Variants in FCHO2 observed in about 807,000 individuals in gnomAD.
FCHO2 encodes FCH and mu domain containing endocytic adaptor 2.
A neutral mutation model predicts 114.1 loss-of-function variants in FCHO2; 43 were observed. The ratio of observed to expected loss-of-function variants is 0.38; its 90% CI spans 0.30 to 0.49. FCHO2 has a LOEUF of 0.49. FCHO2 is among the 20% of genes least tolerant of loss of function. The pLI, the probability that FCHO2 is intolerant of heterozygous loss-of-function variation, is 0.97. For missense variants in FCHO2, 807 were observed against 950.4 expected (o/e 0.85, Z 1.98); for synonymous variants, 293 against 315.2 (o/e 0.93, Z 0.75).
At chr5:73,012,468 A>G (rs1755073690) in intron 6 of FCHO2, among the ~76,000 whole-genome samples, 1 of 151,976 alleles carries the variant, frequency 6.6e-6, no homozygotes, top group Admixed American at 6.6e-5. Flanking sequence ...AAAATACAAA[A>G]ATTAGCTGGG....
intron 22 of FCHO2, among the ~76,000 whole-genome samples, chr5:73,079,242 G>T (rs1428825782): frequency 1.3e-5 from 2 of 152,108 alleles, no homozygotes; most frequent in Non-Finnish European, 2.9e-5. Flanking sequence ...TGGGACTAAA[G>T]GCACAAACCA....
intron 2 of FCHO2, among the ~76,000 whole-genome samples, chr5:72,988,006 G>A (rs1016528608): frequency 2.0e-5 from 3 of 152,144 alleles, no homozygotes. Flanking sequence ...TCTGGATTTA[G>A]ACATTAGAAG....
intron 19 of FCHO2, among the ~76,000 whole-genome samples, chr5:73,072,258 ATGT>A (rs1011293343): frequency 2.0e-4 from 30 of 152,048 alleles, no homozygotes; most frequent in Admixed American, 4.6e-4. Context: ...ACAATAACAA[ATGT>A]TGGTGAGGAT....
At chr5:73,041,838 A>G (rs1052012519) in intron 11 of FCHO2, among the ~76,000 whole-genome samples, 4 of 152,082 alleles carry the variant, frequency 2.6e-5, no homozygotes, top group Non-Finnish European at 5.9e-5. Context: ...GAAGACATCA[A>G]ATGGAGCTCC....
chr5:73,043,682 A>G (rs1183007448), intron 11 of FCHO2, among the ~76,000 whole-genome samples: 9 of 152,206 alleles, frequency 5.9e-5, no homozygotes, highest in South Asian at 2.1e-4. Flanking sequence ...GCTGATATGG[A>G]AAGAACTTAA....
intron 5 of FCHO2, chr5:72,997,144 T>C: frequency 8.9e-7 from 1 of 1,123,092 alleles, no homozygotes. Context: ...CCCACCATGA[T>C]GGGGTCCTGA....
At chr5:73,051,787 G>A (rs1315402962) in intron 12 of FCHO2, among the ~76,000 whole-genome samples, 1 of 152,012 alleles carries the variant, frequency 6.6e-6, no homozygotes, top group Non-Finnish European at 1.5e-5. Context: ...CCAGGCTGGT[G>A]AAGAACTCCT....
At chr5:73,080,631 T>G (rs191488780) in intron 22 of FCHO2, among the ~76,000 whole-genome samples, 8 of 151,990 alleles carry the variant, frequency 5.3e-5, no homozygotes, top group Admixed American at 4.6e-4. Flanking sequence ...ATTTCTCTAT[T>G]TTTTTAGTTT....
At chr5:73,022,869 A>G (rs746318388) in intron 8 of FCHO2, among the ~76,000 whole-genome samples, 19 of 152,086 alleles carry the variant, frequency 1.2e-4, no homozygotes, top group Admixed American at 4.6e-4. Context: ...TTAAGTTCCT[A>G]CTGTAGACTT....
In FCHO2 at chr5:73,050,302, T is replaced by C. The variant is rs867155231; in HGVS notation, c.940-1047T>C. ...CTCTGTTTAGCTTTCTGCTATTTATTTATTTATTTATTTATTTATTTATTT... is the reference window on the plus strand; with the variant it reads ...CTCTGTTTAGCTTTCTGCTATTTATCTATTTATTTATTTATTTATTTATTT... On this transcript the variant is annotated intron_variant, in intron 11 of 25. Transcript: ENST00000430046. Among the ~76,000 whole-genome samples the C allele has an allele frequency of 6.9e-3, 954 of 138,002 alleles. 7 individuals are homozygous for C. The highest frequency in any genetic ancestry group is 0.025 in the African/African-American group (922 of 37,552). 90.5% of individuals were successfully genotyped at this position (138,002 alleles called of 152,430 possible).
At chr5:73,006,677 C>G in intron 6 of FCHO2, 128 bp downstream of exon 6, 2 of 606,608 alleles carry the variant, frequency 3.3e-6, no homozygotes, top group Non-Finnish European at 5.3e-6. Flanking sequence ...GTTAATGATG[C>G]TGTTTTAAAA....
At chr5:73,012,162 C>T (rs943911285) in intron 6 of FCHO2, among the ~76,000 whole-genome samples, 1 of 152,178 alleles carries the variant, frequency 6.6e-6, no homozygotes, top group African/African-American at 2.4e-5. Flanking sequence ...TTTGTATCAG[C>T]ATCACCACAA....
At chr5:73,081,330 G>A (rs918560652) in intron 22 of FCHO2, among the ~76,000 whole-genome samples, 1 of 152,102 alleles carries the variant, frequency 6.6e-6, no homozygotes, top group Non-Finnish European at 1.5e-5. Context: ...ATTTGAAGTT[G>A]GAAGCATTCT....
intron 2 of FCHO2, among the ~76,000 whole-genome samples, chr5:72,979,860 G>A (rs902139421): frequency 6.6e-6 from 1 of 151,858 alleles, no homozygotes; most frequent in Non-Finnish European, 1.5e-5. Context: ...TCTGGCTAGC[G>A]GTCTATCTAT....
intron 11 of FCHO2, among the ~76,000 whole-genome samples, chr5:73,043,817 G>A (rs1756925775): frequency 6.6e-6 from 1 of 152,140 alleles, no homozygotes; most frequent in Non-Finnish European, 1.5e-5. Context: ...TACCTTTGGG[G>A]CCAAGAATTA....
chr5:72,966,015 T>A (rs1168659468), intron 1 of FCHO2, among the ~76,000 whole-genome samples: 1 of 152,220 alleles, frequency 6.6e-6, no homozygotes, highest in Non-Finnish European at 1.5e-5. Context: ...ACCAATTTTT[T>A]AATCAGTAAT....
chr5:72,957,911 G>A (rs889002451), intron 1 of FCHO2, among the ~76,000 whole-genome samples: 5 of 152,016 alleles, frequency 3.3e-5, no homozygotes, highest in Non-Finnish European at 5.9e-5. Flanking sequence ...TTCGATTTGC[G>A]TTTCTTTGAT....
At chr5:72,997,978 G>A (rs1349313861) in intron 5 of FCHO2, among the ~76,000 whole-genome samples, 1 of 152,090 alleles carries the variant, frequency 6.6e-6, no homozygotes, top group East Asian at 1.9e-4. Flanking sequence ...GATCCAGGAG[G>A]CTCAAAGAGA....
intron 19 of FCHO2, among the ~76,000 whole-genome samples, chr5:73,073,037 A>G (rs1742734164): frequency 1.3e-5 from 2 of 152,100 alleles, no homozygotes. Flanking sequence ...GAACTAAGTT[A>G]GATTTACAGT....
Sources: allele counts gnomAD v4.1 joint callset (sites outside exome capture counted in the v4.1 genomes callset), GRCh38; gene constraint gnomAD v4.1.1; transcripts MANE v1.5; gene names NCBI Gene and HGNC (gene_info 2026-07-23, HGNC 2026-07-21).